NTN1: variants seen among roughly 807,000 people sequenced by gnomAD.
NTN1 encodes the protein netrin 1.
In NTN1, 11 loss-of-function variants were observed where a neutral mutation model predicts 54.2. The observed-to-expected ratio is 0.20, with a 90% CI of 0.13 to 0.34. The LOEUF (loss-of-function observed/expected upper bound fraction) is 0.34, where lower values mean the gene tolerates loss of function less well. NTN1 is among the 10% of genes least tolerant of loss of function. NTN1 has a pLI of 1.00. For missense variants in NTN1, 740 were observed against 893.1 expected (o/e 0.83, Z 2.18); for synonymous variants, 371 against 382.0 (o/e 0.97, Z 0.33).
intron 5 of NTN1, among the ~76,000 whole-genome samples, chr17:9,190,975 G>A (rs1332312346): frequency 6.6e-6 from 1 of 152,112 alleles, no homozygotes; most frequent in Non-Finnish European, 1.5e-5. Context: ...TGGGAAAACC[G>A]GCTATTTATT....
At chr17:9,202,681 T>C (rs575224420) in intron 5 of NTN1, among the ~76,000 whole-genome samples, 18 of 152,148 alleles carry the variant, frequency 1.2e-4, no homozygotes, top group East Asian at 3.9e-4. Flanking sequence ...TAAAAAAAAA[T>C]TTGGAGTGGA....
chr17:9,183,301 G>A (rs933081349), intron 5 of NTN1: 2 of 573,560 alleles, frequency 3.5e-6, no homozygotes, highest in African/African-American at 3.7e-5. Context: ...CCTTCCTGGG[G>A]CTGCAGAGAA....
chr17:9,192,247 A>G (rs1183487766), intron 5 of NTN1, among the ~76,000 whole-genome samples: 1 of 152,242 alleles, frequency 6.6e-6, no homozygotes, highest in Non-Finnish European at 1.5e-5. Flanking sequence ...ATTGCTTATA[A>G]TAACAAAAGA....
intron 3 of NTN1, among the ~76,000 whole-genome samples, chr17:9,172,225 C>T (rs1454386793): frequency 2.6e-5 from 4 of 151,606 alleles, no homozygotes; most frequent in Non-Finnish European, 5.9e-5. Context: ...AGGCGGGGTG[C>T]GGTGGCTCAC....
intron 2 of NTN1, among the ~76,000 whole-genome samples, chr17:9,130,512 ACCTGGGGTGGCCAGCTGCCT>A (rs993261009): frequency 6.6e-6 from 1 of 151,918 alleles, no homozygotes; most frequent in Non-Finnish European, 1.5e-5. Flanking sequence ...CCAAAGCCCC[ACCTGGGGTGGCCAGCTGCCT>A]CCTGGGCAGC....
At chr17:9,022,224 C>A in intron 1 of NTN1, 87 bp from the exon 2 acceptor site, 2 of 866,616 alleles carry the variant, frequency 2.3e-6, no homozygotes, top group Non-Finnish European at 3.0e-6. Flanking sequence ...GGAAGCCGGG[C>A]GTTCTCCCGC....
intron 5 of NTN1, among the ~76,000 whole-genome samples, chr17:9,193,920 TAAAAA>T (rs71361871): frequency 1.3e-4 from 6 of 44,904 alleles, no homozygotes; most frequent in South Asian, 1.1e-3. Flanking sequence ...AAACTCCGAC[TAAAAA>T]AAAAAAAAAA....
rs527794479 is a variant in NTN1, at chr17:9,129,394, C to T, written c.1019-33419C>T. On this transcript the variant is annotated intron_variant, in intron 2 of 6. Coordinates refer to ENST00000173229, the MANE Select transcript of NTN1 (RefSeq NM_004822.3). ...GCGGCTGAGCTGCTGAATTGTGAGT[C>T]TTCGTCTGGCTTCTGGTCTGAGTGC... Among the ~76,000 whole-genome samples, 3 of 152,240 alleles carry T rather than the reference C, an allele frequency of 2.0e-5. No individual in the cohort carries two copies. In the East Asian group the frequency reaches 5.8e-4, roughly 29 times the overall value.
intron 3 of NTN1, chr17:9,171,056 G>A (rs1464995412): frequency 6.6e-6 from 1 of 152,202 alleles, no homozygotes; most frequent in Non-Finnish European, 1.5e-5. Flanking sequence ...TCCGAAAGTG[G>A]CAGGGAAAGG....
rs1454187160 is a variant in NTN1 at position 9,243,143 on chromosome 17, G to C, written c.*3175G>C. On this transcript the variant is annotated 3_prime_UTR_variant, in exon 7 of 7. Coordinates refer to ENST00000173229, the MANE Select transcript of NTN1 (RefSeq NM_004822.3). The stretch of plus-strand genomic sequence containing the variant: ...CCGAAGATTTGCGGGGGAGGACATA[G>C]GGCTGTCCCCGGGATTCACCTGCTG... The C allele has an allele frequency of 6.6e-6, 1 of 152,224 alleles. No homozygotes were observed. The highest frequency in any genetic ancestry group is 1.5e-5 in the Non-Finnish European group (1 of 68,058). The allele number at this position is 152,224 out of a possible 1,614,324, so 9.4% of individuals were successfully genotyped here.
intron 5 of NTN1, among the ~76,000 whole-genome samples, chr17:9,207,522 C>G (rs1032922052): frequency 9.9e-5 from 15 of 152,272 alleles, no homozygotes; most frequent in Admixed American, 3.3e-4. Context: ...ATCGGAGGTT[C>G]AGAGAAGTGC....
intron 2 of NTN1, among the ~76,000 whole-genome samples, chr17:9,123,093 CAT>C (rs950831382): frequency 1.3e-5 from 2 of 152,238 alleles, no homozygotes; most frequent in East Asian, 1.9e-4. Context: ...GGAATAAGCA[CAT>C]GTTTAAGACT....
chr17:9,146,804 T>C (rs1418568641), intron 2 of NTN1, among the ~76,000 whole-genome samples: 1 of 152,174 alleles, frequency 6.6e-6, no homozygotes, highest in Non-Finnish European at 1.5e-5. Context: ...CAGTCCCTTG[T>C]TGGATTCTTG....
intron 5 of NTN1, among the ~76,000 whole-genome samples, chr17:9,218,170 A>G (rs1000404852): frequency 6.6e-6 from 1 of 152,202 alleles, no homozygotes; most frequent in Non-Finnish European, 1.5e-5. Context: ...AAGTCCTGGG[A>G]GTGGGACCCA....
At chr17:9,039,677 A>G (rs542821436) in intron 2 of NTN1, among the ~76,000 whole-genome samples, 2 of 152,202 alleles carry the variant, frequency 1.3e-5, no homozygotes, top group African/African-American at 4.8e-5. Context: ...CCTTTCCACC[A>G]TGGTGCCTTC....
intron 1 of NTN1, among the ~76,000 whole-genome samples, 189 bp from the exon 2 acceptor site, chr17:9,022,122 C>A (rs2091851194): frequency 6.6e-6 from 1 of 152,084 alleles, no homozygotes; most frequent in African/African-American, 2.4e-5. Context: ...GAAGAAGGGG[C>A]GCGAGCGGTG....
At chr17:9,123,332 TG>T in intron 2 of NTN1, among the ~76,000 whole-genome samples, 2 of 152,350 alleles carry the variant, frequency 1.3e-5, no homozygotes, top group African/African-American at 4.8e-5. Flanking sequence ...GAATCACCTA[TG>T]GGGGCGTTAA....
chr17:9,140,396 C>T (rs925570237), intron 2 of NTN1, among the ~76,000 whole-genome samples: 1 of 152,126 alleles, frequency 6.6e-6, no homozygotes, highest in African/African-American at 2.4e-5. Context: ...AGGCTGAACT[C>T]GTTGAAAAAT....
Position 9,179,882 on chromosome 17 carries a change from G to A in NTN1, c.1283G>A (p.Gly428Asp). The stretch of plus-strand genomic sequence containing the variant: ...ACCGGCCAGTGTCCCTGCAAGGACG[G>A]CGTGACGGGTATCACCTGCAACCGC... ...QTTGQCPCKD[G>D]VTGITCNRCA... is the part of the protein sequence containing the mutation. Residue 428 changes from glycine to aspartate, a missense_variant, in exon 4 of 7, where the codon GGC (glycine) becomes GAC (aspartate). By Grantham distance (94) the Gly-to-Asp change is moderately conservative (BLOSUM62 -1). Coordinates refer to ENST00000173229, the MANE Select transcript of NTN1 (RefSeq NM_004822.3). 6.2e-7 allele frequency: 1 copy of A among 1,614,112 alleles called. No homozygotes were observed. Among genetic ancestry groups the A allele is most frequent in the Non-Finnish European group, 8.5e-7 (1 of 1,180,038 alleles).
Sources: allele counts gnomAD v4.1 joint callset (sites outside exome capture counted in the v4.1 genomes callset), GRCh38; gene constraint gnomAD v4.1.1; transcripts MANE v1.5; gene names NCBI Gene and HGNC (gene_info 2026-07-23, HGNC 2026-07-21).